CTIF: variants seen among roughly 807,000 people sequenced by gnomAD.
CTIF encodes the protein CBP80/20-dependent translation initiation factor.
A neutral mutation model predicts 66.0 loss-of-function variants in CTIF; 21 were observed. The observed-to-expected ratio is 0.32, with a 90% CI of 0.23 to 0.46. The LOEUF is 0.46. CTIF is among the 20% of genes least tolerant of loss of function. CTIF has a pLI of 1.00. For missense variants in CTIF, 739 were observed against 812.7 expected (o/e 0.91, Z 1.10); for synonymous variants, 345 against 326.4 (o/e 1.06, Z -0.62).
chr18:48,810,250 G>A (rs2068232364), intron 9 of CTIF, among the ~76,000 whole-genome samples: 1 of 152,064 alleles, frequency 6.6e-6, no homozygotes, highest in Non-Finnish European at 1.5e-5. Context: ...ATTGTCACAT[G>A]TGGATAGTGG....
intron 6 of CTIF, among the ~76,000 whole-genome samples, chr18:48,677,002 A>G (rs928049878): frequency 2.6e-5 from 4 of 151,840 alleles, no homozygotes; most frequent in Non-Finnish European, 5.9e-5. Flanking sequence ...CCTGGGCGGG[A>G]GGCCGGGGCC....
chr18:48,751,944 TATTCATTCATTCATTCATTCATTC>T (rs71976839), intron 7 of CTIF, among the ~76,000 whole-genome samples: 1 of 150,914 alleles, frequency 6.6e-6, no homozygotes, highest in South Asian at 2.1e-4. Flanking sequence ...CATCATTTAT[TATTCATTCATTCATTCATTCATTC>T]ATTCATTCAT....
intron 7 of CTIF, among the ~76,000 whole-genome samples, chr18:48,738,542 C>CG: frequency 6.6e-6 from 1 of 152,174 alleles, no homozygotes; most frequent in South Asian, 2.1e-4. Context: ...TGTTCCCCCT[C>CG]CCCGGATTGC....
intron 10 of CTIF, among the ~76,000 whole-genome samples, chr18:48,849,035 T>A (rs2069140555): frequency 6.6e-6 from 1 of 152,028 alleles, no homozygotes; most frequent in Non-Finnish European, 1.5e-5. Flanking sequence ...TGCCAGAGAC[T>A]CTGATGAGTG....
intron 10 of CTIF, among the ~76,000 whole-genome samples, chr18:48,829,802 C>T (rs764459214): frequency 2.6e-5 from 4 of 152,354 alleles, no homozygotes; most frequent in East Asian, 3.9e-4. Flanking sequence ...TTTCTCCAAC[C>T]GACTCCAGCT....
chr18:48,673,443 G>GTTC (rs1555670108), intron 6 of CTIF: 2 of 152,102 alleles, frequency 1.3e-5, no homozygotes, highest in East Asian at 3.9e-4. Context: ...TGTTGTTGTT[G>GTTC]TTAAAGAAAA....
chr18:48,663,099 C>T (rs1176078791), intron 3 of CTIF, among the ~76,000 whole-genome samples: 1 of 152,074 alleles, frequency 6.6e-6, no homozygotes, highest in Non-Finnish European at 1.5e-5. Context: ...AAGAGTGTGA[C>T]GATGGAAACC....
At chr18:48,544,943 A>G (rs2088709816) in intron 1 of CTIF, among the ~76,000 whole-genome samples, 1 of 152,196 alleles carries the variant, frequency 6.6e-6, no homozygotes, top group African/African-American at 2.4e-5. Flanking sequence ...ATTCAACGTC[A>G]TGTGGGAAGT....
intron 2 of CTIF, among the ~76,000 whole-genome samples, chr18:48,636,086 A>C (rs1040224839): frequency 3.3e-5 from 5 of 152,184 alleles, no homozygotes; most frequent in Non-Finnish European, 5.9e-5. Context: ...CAGCCCTCTG[A>C]GTTCTCAGGG....
intron 1 of CTIF, among the ~76,000 whole-genome samples, chr18:48,618,424 G>T (rs1598747349): frequency 1.3e-5 from 2 of 152,192 alleles, no homozygotes; most frequent in Admixed American, 6.5e-5. Context: ...AAAAGCATGT[G>T]CAGACTCTGT....
chr18:48,713,072 G>C (rs1028478490), intron 7 of CTIF, among the ~76,000 whole-genome samples: 1 of 152,172 alleles, frequency 6.6e-6, no homozygotes, highest in East Asian at 1.9e-4. Flanking sequence ...TTATCGCATC[G>C]TGTGTGCTGC....
At chr18:48,699,649 G>A (rs1263203561) in intron 6 of CTIF, among the ~76,000 whole-genome samples, 1 of 152,208 alleles carries the variant, frequency 6.6e-6, no homozygotes, top group Non-Finnish European at 1.5e-5. Context: ...GCCTCAGGTT[G>A]GAGGCCTTCC....
At chr18:48,597,176 A>G (rs1034908902) in intron 1 of CTIF, among the ~76,000 whole-genome samples, 5 of 152,236 alleles carry the variant, frequency 3.3e-5, no homozygotes, top group African/African-American at 9.6e-5. Flanking sequence ...TCATTCATTT[A>G]TCATCGATTT....
chr18:48,667,593 TC>T (rs2091458490), intron 5 of CTIF, among the ~76,000 whole-genome samples: 1 of 152,134 alleles, frequency 6.6e-6, no homozygotes, highest in Non-Finnish European at 1.5e-5. Flanking sequence ...TGAACTAACT[TC>T]CTAGCAAAAA....
chr18:48,711,728 T>C, intron 7 of CTIF, 33 bp downstream of exon 7: 2 of 1,578,646 alleles, frequency 1.3e-6, no homozygotes, highest in Non-Finnish European at 1.7e-6. Context: ...CTTTGGGTTT[T>C]CCTTTCCTGC....
chr18:48,764,621 A>G (rs1393133785), intron 9 of CTIF, among the ~76,000 whole-genome samples: 1 of 152,172 alleles, frequency 6.6e-6, no homozygotes, highest in Non-Finnish European at 1.5e-5. Context: ...CACCCAAGGC[A>G]GTCATGGCTC....
intron 7 of CTIF, among the ~76,000 whole-genome samples, chr18:48,742,677 A>C (rs1283649937): frequency 1.3e-5 from 2 of 152,236 alleles, no homozygotes; most frequent in Non-Finnish European, 1.5e-5. Flanking sequence ...AATAGACTTT[A>C]TCATCATTAT....
At position 48,539,039 on chromosome 18, in the gene CTIF, A is replaced by G. The variant is rs897727126; in HGVS notation, c.-302A>G. On this transcript the variant is annotated 5_prime_UTR_variant, in exon 1 of 12. Transcript: ENST00000256413. ...GGCGGGGCCTGAACGTCACTCTCCT[A>G]CATTCTCTTTCCCTGTGTCAGATCA... The G allele has an allele frequency of 6.6e-6, 1 of 152,114 alleles. No homozygotes were observed. The highest frequency in any genetic ancestry group is 1.5e-5 in the Non-Finnish European group (1 of 68,098). The allele number at this position is 152,114 out of a possible 1,614,324, so 9.4% of individuals were successfully genotyped here.
chr18:48,547,660 A>G (rs1258532261), intron 1 of CTIF, among the ~76,000 whole-genome samples: 1 of 152,148 alleles, frequency 6.6e-6, no homozygotes, highest in Non-Finnish European at 1.5e-5. Flanking sequence ...AGCTGTTGTG[A>G]GAGATGGTTT....
Sources: gnomAD v4.1 joint callset for allele counts (sites outside exome capture counted in the v4.1 genomes callset) on GRCh38, gnomAD v4.1.1 for gene constraint, MANE v1.5 for transcripts, NCBI Gene and HGNC (gene_info 2026-07-23, HGNC 2026-07-21) for gene names.